Variants in HABP2 observed in about 807,000 individuals in gnomAD.
The protein encoded by HABP2 is factor VII-activating protease.
In HABP2, 65 loss-of-function variants were observed where a neutral mutation model predicts 66.5. That is an observed-to-expected ratio of 0.98 (90% CI 0.80 to 1.20). The LOEUF (loss-of-function observed/expected upper bound fraction) is 1.20, where lower values mean the gene tolerates loss of function less well. Among genes scored for constraint, HABP2 ranks in the 50% most tolerant of loss-of-function variants. The probability of loss-of-function intolerance (pLI) is 0.00; values close to 1 mark genes in which losing one functional copy is unlikely to be tolerated. For missense variants in HABP2, 786 were observed against 691.0 expected, an observed-to-expected ratio of 1.14 and a Z score of -1.54; for synonymous variants, 263 against 253.9, an observed-to-expected ratio of 1.04 and a Z score of -0.34.
intron 1 of HABP2, among the ~76,000 whole-genome samples, chr10:113,562,828 T>C (rs942890676): frequency 6.6e-6 from 1 of 152,356 alleles, no homozygotes; most frequent in East Asian, 1.9e-4. Context: ...TCAAGGTTAA[T>C]GAGCTTTTCT....
At chr10:113,572,401 A>T (rs1054318870) in intron 2 of HABP2, among the ~76,000 whole-genome samples, 4 of 152,252 alleles carry the variant, frequency 2.6e-5, no homozygotes, top group African/African-American at 9.6e-5. Context: ...CCTTGCCAAG[A>T]TTAGCTGGTC....
chr10:113,577,099 T>C, intron 4 of HABP2, 51 bp from the exon 5 acceptor site: 2 of 1,008,738 alleles, frequency 2.0e-6, no homozygotes, highest in Non-Finnish European at 3.2e-6. Flanking sequence ...CATGTATCCC[T>C]CTAAGGAAAA....
In HABP2 at chr10:113,561,445, C is replaced by T. The variant is rs547835321; in HGVS notation, c.70-6044C>T. On this transcript the variant is annotated intron_variant, in intron 1 of 12. Transcript: ENST00000351270. ...TGCACACTTGTCCCTGTCCACCTTC[C>T]AGTCCAGAGGTTGCAGCCTCAACCA... is the stretch of plus-strand genomic sequence containing the variant. 1.8e-4 allele frequency among the ~76,000 whole-genome samples: 27 copies of T among 152,266 alleles called. No homozygotes were observed. The South Asian group carries it at 5.4e-3, about 30-fold the overall frequency.
intron 1 of HABP2, among the ~76,000 whole-genome samples, chr10:113,557,903 C>A (rs1413951122): frequency 6.6e-6 from 1 of 152,212 alleles, no homozygotes; most frequent in Admixed American, 6.5e-5. Flanking sequence ...AGACAAGAAA[C>A]TAAGCATAGA....
At chr10:113,565,687 C>G (rs559726344) in intron 1 of HABP2, among the ~76,000 whole-genome samples, 1 of 152,334 alleles carries the variant, frequency 6.6e-6, no homozygotes, top group African/African-American at 2.4e-5. Flanking sequence ...CAAGTCAGCC[C>G]AAACCACAGC....
intron 4 of HABP2, 142 bp downstream of exon 4, chr10:113,576,146 T>A (rs1845405266): frequency 1.6e-6 from 1 of 609,078 alleles, no homozygotes; most frequent in Non-Finnish European, 2.9e-6. Flanking sequence ...CTCTGCAGGG[T>A]CCCAGGCAGC....
intron 1 of HABP2, among the ~76,000 whole-genome samples, chr10:113,563,323 A>G (rs1455983901): frequency 6.6e-6 from 1 of 152,250 alleles, no homozygotes; most frequent in Middle Eastern, 3.4e-3. Context: ...CCCACCTACC[A>G]TCATCCAGGT....
chr10:113,568,804 A>G (rs914475111), intron 2 of HABP2, among the ~76,000 whole-genome samples: 4 of 152,098 alleles, frequency 2.6e-5, no homozygotes, highest in Admixed American at 1.3e-4. Flanking sequence ...GGGCTGTGGG[A>G]GCTATGGGGT....
intron 1 of HABP2, among the ~76,000 whole-genome samples, chr10:113,562,766 A>G (rs1021235097): frequency 3.3e-5 from 5 of 152,190 alleles, no homozygotes; most frequent in Admixed American, 1.3e-4. Context: ...CTTTTTATAA[A>G]GCATTCCAAG....
At chr10:113,583,442 A>G (rs1461135825) in intron 10 of HABP2, 84 bp downstream of exon 10, 1 of 1,244,626 alleles carries the variant, frequency 8.0e-7, no homozygotes. Flanking sequence ...TTGGTTCTAG[A>G]AGGTGCTCTT....
At chr10:113,581,403 T>G (rs908709745) in intron 8 of HABP2, among the ~76,000 whole-genome samples, 1 of 152,204 alleles carries the variant, frequency 6.6e-6, no homozygotes, top group African/African-American at 2.4e-5. Context: ...TGTGTCACAG[T>G]CATCTGTGCA....
chr10:113,574,481 G>T lies in HABP2; in HGVS notation c.223+76G>T, dbSNP rs138662419. 1.3e-3 allele frequency: 988 copies of T among 734,756 alleles called. 4 individuals carry two copies. The highest frequency in any genetic ancestry group is 0.013 in the African/African-American group (732 of 57,766). The allele number at this position is 734,756 out of a possible 1,614,324, so 45.5% of individuals were successfully genotyped here. A position where few individuals can be genotyped will look rare whatever the true frequency, so the allele number is the denominator to read the frequency against. On this transcript the variant is annotated intron_variant, in intron 3 of 12. Coordinates refer to ENST00000351270, the MANE Select transcript of HABP2 (RefSeq NM_004132.5). The stretch of plus-strand genomic sequence containing the variant: ...AGTGTATGTGGGACCACATGCAAGG[G>T]CCTCTCTCTCCGCCTCTCTGGCCAG...
At chr10:113,558,936 C>T (rs1160130853) in intron 1 of HABP2, among the ~76,000 whole-genome samples, 2 of 152,118 alleles carry the variant, frequency 1.3e-5, no homozygotes, top group Non-Finnish European at 2.9e-5. Flanking sequence ...CTCAATGCAA[C>T]CTCTGCCTGC....
At chr10:113,559,101 C>G (rs773024306) in intron 1 of HABP2, among the ~76,000 whole-genome samples, 1 of 152,190 alleles carries the variant, frequency 6.6e-6, no homozygotes, top group Admixed American at 6.5e-5. Context: ...GTGATCCACC[C>G]GCCCTGGCCT....
chr10:113,558,790 G>T (rs1462002943), intron 1 of HABP2, among the ~76,000 whole-genome samples: 6 of 152,132 alleles, frequency 3.9e-5, no homozygotes, highest in Non-Finnish European at 7.3e-5. Flanking sequence ...AGGGAAACAT[G>T]GGGGCTTGTG....
intron 4 of HABP2, among the ~76,000 whole-genome samples, chr10:113,576,421 A>G (rs1845410467): frequency 6.6e-6 from 1 of 152,218 alleles, no homozygotes. Flanking sequence ...GATCAAGGTC[A>G]CACAGCTAGC....
intron 12 of HABP2, among the ~76,000 whole-genome samples, chr10:113,587,090 A>G (rs1194447239): frequency 2.6e-5 from 4 of 152,216 alleles, no homozygotes; most frequent in Non-Finnish European, 4.4e-5. Flanking sequence ...TGAGGCGGGC[A>G]GATCACCTGA....
rs1038012477 is a variant in HABP2, at chr10:113,574,231, G to A, written c.107-58G>A. Reference sequence around the variant, plus strand: ...GAAAAGGTGTCCAACTAAATAAAATGCTGGCCTATTTGAGTGTAATGATTA... The same window carrying A: ...GAAAAGGTGTCCAACTAAATAAAATACTGGCCTATTTGAGTGTAATGATTA... On this transcript the variant is annotated intron_variant, in intron 2 of 12. Coordinates refer to ENST00000351270, the MANE Select transcript of HABP2 (RefSeq NM_004132.5). 6.3e-5 allele frequency: 53 copies of A among 846,880 alleles called. 1 individual carries two copies. Among genetic ancestry groups the A allele is most frequent in the East Asian group, 4.7e-4 (19 of 40,570 alleles). The allele number at this position is 846,880 out of a possible 1,614,324, so 52.5% of individuals were successfully genotyped here. A position where few individuals can be genotyped will look rare whatever the true frequency, so the allele number is the denominator to read the frequency against.
rs11575749 is a variant in HABP2 at position 113,575,925 on chromosome 10, C to T, written c.252C>T (p.His84=). The change falls in exon 4 of 13, where the codon CAC becomes CAT. Residue 84 remains histidine (H), a synonymous_variant. Coordinates refer to ENST00000351270, the MANE Select transcript of HABP2 (RefSeq NM_004132.5). ...CATGCCAGCCCAACCCCTGTGAACA[C>T]GGTGGGGACTGCCTCGTCCATGGGA... The part of the protein sequence containing the change: ...ADPCQPNPCE[H]GGDCLVHGST... The T allele has an allele frequency of 3.0e-4, 476 of 1,609,998 alleles. No homozygotes were observed. The African/African-American group carries it at 5.0e-3, about 17-fold the overall frequency.
Sources: allele counts gnomAD v4.1 joint callset (sites outside exome capture counted in the v4.1 genomes callset), GRCh38; gene constraint gnomAD v4.1.1; transcripts MANE v1.5; gene names NCBI Gene and HGNC (gene_info 2026-07-23, HGNC 2026-07-21).